CAMK2D: variants seen among roughly 807,000 people sequenced by gnomAD.
CAMK2D encodes calcium/calmodulin-dependent protein kinase type II subunit delta.
A neutral mutation model predicts 84.0 loss-of-function variants in CAMK2D; 37 were observed. That is an observed-to-expected ratio of 0.44 (90% confidence interval 0.34 to 0.58). The LOEUF (loss-of-function observed/expected upper bound fraction) is 0.58, where lower values mean the gene tolerates loss of function less well. CAMK2D is among the 20% of genes least tolerant of loss of function. CAMK2D has a pLI of 0.02. For synonymous variants in CAMK2D, 202 were observed against 212.5 expected (o/e 0.95, Z 0.43); for missense variants, 448 against 652.5 (o/e 0.69, Z 3.41).
intron 2 of CAMK2D, among the ~76,000 whole-genome samples, chr4:113,746,044 C>T (rs1416366441): frequency 6.6e-6 from 1 of 152,186 alleles, no homozygotes; most frequent in East Asian, 1.9e-4. Flanking sequence ...ATGAAAGATG[C>T]TAAATAAGCA....
chr4:113,458,181 A>T (rs1373452607), intron 18 of CAMK2D, among the ~76,000 whole-genome samples: 4 of 152,202 alleles, frequency 2.6e-5, no homozygotes, highest in Admixed American at 2.0e-4. Context: ...TCTGATAAAC[A>T]TTCAAAATGT....
intron 3 of CAMK2D, among the ~76,000 whole-genome samples, chr4:113,629,610 A>G (rs552050012): frequency 6.6e-6 from 1 of 152,062 alleles, no homozygotes; most frequent in Non-Finnish European, 1.5e-5. Flanking sequence ...TTAAAGGGTC[A>G]TAATGCACAG....
At chr4:113,476,744 T>C (rs549619047) in intron 16 of CAMK2D, among the ~76,000 whole-genome samples, 1 of 152,320 alleles carries the variant, frequency 6.6e-6, no homozygotes, top group East Asian at 1.9e-4. Flanking sequence ...CTTCTTCAAT[T>C]ACCCCTAATA....
At chr4:113,626,352 T>C (rs1425354183) in intron 3 of CAMK2D, among the ~76,000 whole-genome samples, 1 of 152,194 alleles carries the variant, frequency 6.6e-6, no homozygotes, top group Non-Finnish European at 1.5e-5. Flanking sequence ...ACTTTAAAAC[T>C]AGGTATCAGA....
At chr4:113,751,415 C>A (rs530708639) in intron 2 of CAMK2D, among the ~76,000 whole-genome samples, 1 of 152,126 alleles carries the variant, frequency 6.6e-6, no homozygotes, top group South Asian at 2.1e-4. Flanking sequence ...ACTATATTTA[C>A]ATTTAATAAG....
chr4:113,748,846 T>C (rs558717263), intron 2 of CAMK2D, among the ~76,000 whole-genome samples: 1 of 152,130 alleles, frequency 6.6e-6, no homozygotes, highest in East Asian at 1.9e-4. Flanking sequence ...ATATATTTTA[T>C]GATATGATTA....
chr4:113,503,521 A>C (rs953385476), intron 14 of CAMK2D, among the ~76,000 whole-genome samples: 2 of 152,236 alleles, frequency 1.3e-5, no homozygotes, highest in African/African-American at 4.8e-5. Flanking sequence ...AATCCATTTC[A>C]AAAGACCATA....
At chr4:113,469,758 T>C (rs2097524988) in intron 16 of CAMK2D, among the ~76,000 whole-genome samples, 1 of 152,302 alleles carries the variant, frequency 6.6e-6, no homozygotes, top group East Asian at 1.9e-4. Flanking sequence ...AGATCATCTC[T>C]CAGTTGCATA....
intron 16 of CAMK2D, among the ~76,000 whole-genome samples, chr4:113,491,989 C>T (rs1404187263): frequency 6.6e-6 from 1 of 152,038 alleles, no homozygotes; most frequent in Non-Finnish European, 1.5e-5. Flanking sequence ...GTGGTGATAT[C>T]CCCTTTATCA....
intron 4 of CAMK2D, among the ~76,000 whole-genome samples, chr4:113,587,822 A>G (rs1417888127): frequency 2.0e-5 from 3 of 152,136 alleles, no homozygotes; most frequent in Non-Finnish European, 4.4e-5. Flanking sequence ...ATAGTCCCCA[A>G]GTGTTTTGGG....
chr4:113,674,940 C>G (rs2099312089), intron 2 of CAMK2D, among the ~76,000 whole-genome samples: 1 of 151,926 alleles, frequency 6.6e-6, no homozygotes, highest in South Asian at 2.1e-4. Flanking sequence ...GCCAAGTGAC[C>G]TGGAAATAAG....
intron 5 of CAMK2D, among the ~76,000 whole-genome samples, chr4:113,551,826 CTTG>C (rs1396028992): frequency 1.3e-5 from 2 of 151,836 alleles, no homozygotes; most frequent in East Asian, 1.9e-4. Context: ...TTTGTTTTTC[CTTG>C]TTGTTTTTGA....
At chr4:113,548,521 T>G (rs747398180) in intron 5 of CAMK2D, 1 of 544,340 alleles carries the variant, frequency 1.8e-6, no homozygotes, top group Admixed American at 3.6e-5. Context: ...TCATGCATTA[T>G]CATTTCATCA....
In CAMK2D at chr4:113,454,086, T is replaced by TA. The variant is rs34145709; in HGVS notation, c.*458dup. ...CTGAAGGTGTATTTTTTTTTTACCT[T>TA]AAAAAAAAAAAAAAAAACCAAACAA... On this transcript the variant is annotated 3_prime_UTR_variant, in exon 21 of 21. Transcript: ENST00000511664. 0.44 allele frequency: 57,588 copies of TA among 131,084 alleles called. 13,045 individuals are homozygous for TA. The highest frequency in any genetic ancestry group is 0.62 in the African/African-American group (22,470 of 36,244). The allele number at this position is 131,084 out of a possible 1,614,324, so 8.1% of individuals were successfully genotyped here.
intron 2 of CAMK2D, among the ~76,000 whole-genome samples, chr4:113,698,209 G>A (rs899487544): frequency 1.3e-5 from 2 of 152,018 alleles, no homozygotes; most frequent in Non-Finnish European, 2.9e-5. Flanking sequence ...ATGGTTGTAT[G>A]GTTAATCAAA....
chr4:113,570,393 A>C (rs953029052), intron 4 of CAMK2D, among the ~76,000 whole-genome samples: 12 of 152,334 alleles, frequency 7.9e-5, no homozygotes, highest in Non-Finnish European at 1.8e-4. Context: ...CTGATTTCAA[A>C]TTCTATTACA....
chr4:113,458,857 A>G (rs1039615602), intron 18 of CAMK2D, among the ~76,000 whole-genome samples: 3 of 152,218 alleles, frequency 2.0e-5, no homozygotes, highest in African/African-American at 7.2e-5. Flanking sequence ...TTTTAATTCA[A>G]TAAGATCTCT....
At chr4:113,724,714 A>G (rs1013784428) in intron 2 of CAMK2D, among the ~76,000 whole-genome samples, 8 of 151,782 alleles carry the variant, frequency 5.3e-5, no homozygotes, top group Non-Finnish European at 7.4e-5. Context: ...TTTGTTCTTT[A>G]TAAGTTTTCT....
At chr4:113,663,609 A>AATG (rs2099245250) in intron 2 of CAMK2D, among the ~76,000 whole-genome samples, 1 of 149,606 alleles carries the variant, frequency 6.7e-6, no homozygotes, top group Non-Finnish European at 1.5e-5. Flanking sequence ...TAATAATAAT[A>AATG]ATAATAATAA....
Sources: allele counts gnomAD v4.1 joint callset (sites outside exome capture counted in the v4.1 genomes callset), GRCh38; gene constraint gnomAD v4.1.1; transcripts MANE v1.5; gene names NCBI Gene and HGNC (gene_info 2026-07-23, HGNC 2026-07-21).